Variants in ADGRB3 observed in about 807,000 individuals in gnomAD.
ADGRB3 encodes the protein brain-specific angiogenesis inhibitor 3.
In ADGRB3, 37 loss-of-function variants were observed where a neutral mutation model predicts 193.4. The observed-to-expected ratio is 0.19, with a 90% CI of 0.15 to 0.25. ADGRB3 has a LOEUF of 0.25. Ranked by LOEUF, ADGRB3 falls within the 10% of genes least tolerant of loss-of-function variation. The probability of loss-of-function intolerance (pLI) is 1.00; values close to 1 mark genes in which losing one functional copy is unlikely to be tolerated. For synonymous variants in ADGRB3, 690 were observed against 644.2 expected (o/e 1.07, Z -1.08); for missense variants, 1,637 against 1,852.9 (o/e 0.88, Z 2.14).
intron 3 of ADGRB3, among the ~76,000 whole-genome samples, chr6:68,774,290 T>G (rs1523941): frequency 0.79 from 119,789 of 151,476 alleles, 47,588 homozygotes; most frequent in Middle Eastern, 0.92. Flanking sequence ...GGAAAAAATT[T>G]GATTAAATAA....
chr6:68,648,136 T>C (rs1411885336), intron 3 of ADGRB3, among the ~76,000 whole-genome samples: 1 of 152,166 alleles, frequency 6.6e-6, no homozygotes, highest in East Asian at 1.9e-4. Flanking sequence ...AAAAGTTTAA[T>C]AAAGTATTTC....
At position 69,079,611 on chromosome 6, in the gene ADGRB3, G is replaced by A. The variant is rs565388115; in HGVS notation, c.2480+3573G>A. Among the ~76,000 whole-genome samples the A allele has an allele frequency of 2.5e-4, 38 of 151,998 alleles. 1 individual carries two copies. The South Asian group carries it at 3.5e-3, about 14-fold the overall frequency. ...CAAGGGAAAGAAATAAAGGGTATGC[G>A]ACTAGGAAAAGAGGAAGTTATATGT... On this transcript the variant is annotated intron_variant, in intron 17 of 31. Coordinates refer to ENST00000370598, the MANE Select transcript of ADGRB3 (RefSeq NM_001704.3).
chr6:69,255,843 G>T (rs557592585), intron 20 of ADGRB3, among the ~76,000 whole-genome samples: 1 of 152,218 alleles, frequency 6.6e-6, no homozygotes, highest in African/African-American at 2.4e-5. Flanking sequence ...TAGGTCTAAT[G>T]TTTAAGTCTT....
intron 3 of ADGRB3, among the ~76,000 whole-genome samples, chr6:68,831,059 A>G (rs1257304980): frequency 1.3e-5 from 2 of 152,202 alleles, no homozygotes; most frequent in Middle Eastern, 3.4e-3. Context: ...TTGAGAAAGG[A>G]ATCCTGGAAA....
At chr6:69,314,365 G>C (rs1561984795) in intron 20 of ADGRB3, among the ~76,000 whole-genome samples, 1 of 151,620 alleles carries the variant, frequency 6.6e-6, no homozygotes, top group East Asian at 1.9e-4. Context: ...CTCACATTTA[G>C]AAATTGCTTT....
intron 3 of ADGRB3, among the ~76,000 whole-genome samples, chr6:68,712,703 T>C (rs1397674300): frequency 6.6e-5 from 10 of 151,866 alleles, no homozygotes; most frequent in East Asian, 1.9e-4. Flanking sequence ...TTGAGACCAG[T>C]TGAATGGATT....
At chr6:68,720,121 A>G (rs940904594) in intron 3 of ADGRB3, among the ~76,000 whole-genome samples, 1 of 151,778 alleles carries the variant, frequency 6.6e-6, no homozygotes, top group Non-Finnish European at 1.5e-5. Flanking sequence ...ATCAACTATG[A>G]ATTGATATGT....
intron 30 of ADGRB3, among the ~76,000 whole-genome samples, chr6:69,380,903 G>A (rs1255131663): frequency 6.6e-6 from 1 of 151,804 alleles, no homozygotes; most frequent in African/African-American, 2.4e-5. Context: ...AAATATCTCA[G>A]AAAAATGTCA....
chr6:69,347,332 G>T (rs964316645), intron 26 of ADGRB3, among the ~76,000 whole-genome samples: 1 of 151,896 alleles, frequency 6.6e-6, no homozygotes, highest in Non-Finnish European at 1.5e-5. Flanking sequence ...GTTCTGCACA[G>T]TTATCCCAAA....
intron 26 of ADGRB3, among the ~76,000 whole-genome samples, chr6:69,350,302 T>TA (rs2127325541): frequency 6.6e-6 from 1 of 151,610 alleles, no homozygotes; most frequent in South Asian, 2.1e-4. Context: ...GCCATTCTTT[T>TA]TTTTTTTCAT....
chr6:69,092,454 AC>A (rs1036310188), intron 17 of ADGRB3, among the ~76,000 whole-genome samples: 1 of 152,014 alleles, frequency 6.6e-6, no homozygotes, highest in Admixed American at 6.6e-5. Context: ...TCATCTTCCA[AC>A]CCCGTCCCCA....
intron 20 of ADGRB3, among the ~76,000 whole-genome samples, chr6:69,252,185 C>A (rs1488108426): frequency 1.3e-5 from 2 of 152,012 alleles, no homozygotes; most frequent in Non-Finnish European, 2.9e-5. Context: ...GCCTCTTTTG[C>A]TCAATATATT....
At chr6:68,775,303 C>T (rs1037545701) in intron 3 of ADGRB3, among the ~76,000 whole-genome samples, 4 of 152,090 alleles carry the variant, frequency 2.6e-5, no homozygotes, top group Non-Finnish European at 4.4e-5. Context: ...TGAACACTAC[C>T]GGCTAGCTAA....
intron 3 of ADGRB3, among the ~76,000 whole-genome samples, chr6:68,843,571 G>A (rs580034): frequency 0.21 from 32,583 of 151,628 alleles, 4,043 homozygotes; most frequent in East Asian, 0.58. Context: ...TGGAAGAATC[G>A]ATATTGTTTA....
chr6:69,022,189 A>G (rs1210622196), intron 13 of ADGRB3, among the ~76,000 whole-genome samples: 1 of 151,806 alleles, frequency 6.6e-6, no homozygotes, highest in African/African-American at 2.4e-5. Flanking sequence ...AATGTGTATG[A>G]AAGATTTCAA....
chr6:68,782,368 A>G (rs1766872479), intron 3 of ADGRB3, among the ~76,000 whole-genome samples: 2 of 151,656 alleles, frequency 1.3e-5, no homozygotes, highest in African/African-American at 2.4e-5. Context: ...AATCCAGTCT[A>G]TCATTGTTGG....
chr6:69,235,785 T>A (rs1461948323), intron 19 of ADGRB3, among the ~76,000 whole-genome samples: 2 of 152,004 alleles, frequency 1.3e-5, no homozygotes, highest in Admixed American at 6.6e-5. Context: ...AAGCCTAGTA[T>A]TTTTTAAGAC....
chr6:68,953,076 G>A (rs1262631276), intron 6 of ADGRB3, among the ~76,000 whole-genome samples: 2 of 151,920 alleles, frequency 1.3e-5, no homozygotes, highest in Non-Finnish European at 2.9e-5. Context: ...TCTCAGCAAG[G>A]TCCTTCCTAA....
chr6:68,770,835 C>T (rs73745858), intron 3 of ADGRB3, among the ~76,000 whole-genome samples: 4,508 of 152,194 alleles, frequency 0.03, 121 homozygotes, highest in African/African-American at 0.063. Context: ...GTCCCACAGT[C>T]AGACACACCT....
Sources: allele counts gnomAD v4.1 joint callset (sites outside exome capture counted in the v4.1 genomes callset), GRCh38; gene constraint gnomAD v4.1.1; transcripts MANE v1.5; gene names NCBI Gene and HGNC (gene_info 2026-07-23, HGNC 2026-07-21).